The following MARCO variants were observed in gnomAD, a reference collection of about 807,000 sequenced individuals.
The protein encoded by MARCO is macrophage receptor MARCO.
Under a neutral mutation model 70.0 loss-of-function variants are expected in MARCO, and 72 were observed. That is an observed-to-expected ratio of 1.03 (90% CI 0.85 to 1.25). The LOEUF (loss-of-function observed/expected upper bound fraction) is 1.25. MARCO is among the 50% of genes most tolerant of loss of function. MARCO has a pLI of 0.00. For synonymous variants in MARCO, 273 were observed against 243.1 expected, an observed-to-expected ratio of 1.12 and a Z score of -1.14; for missense variants, 696 against 659.3, an observed-to-expected ratio of 1.06 and a Z score of -0.61.
chr2:118,969,016 T>G, intron 1 of MARCO, 144 bp from the exon 2 acceptor site: 1 of 645,908 alleles, frequency 1.5e-6, no homozygotes. Flanking sequence ...TGGGGGATGA[T>G]TTGGGAGTCA....
At chr2:118,986,648 A>AAGGAAG (rs1680499404) in intron 12 of MARCO, among the ~76,000 whole-genome samples, 1 of 39,308 alleles carries the variant, frequency 2.5e-5, no homozygotes, top group Admixed American at 2.7e-4. Context: ...AAAGAAAGAA[A>AAGGAAG]GAAAGAAGGA....
chr2:118,970,168 C>T lies in MARCO; in HGVS notation c.254C>T (p.Thr85Ile). Residue 85 changes from threonine to isoleucine, a missense_variant, in exon 3 of 17, where the codon ACT becomes ATT. Physicochemically the swap from Thr to Ile is moderately conservative, Grantham distance 89. Coordinates refer to ENST00000327097, the MANE Select transcript of MARCO (RefSeq NM_006770.4). ...CTGGAGATGTATTTCCTCAATGACA[C>T]TCTGGCGGCTGAGGACAGCCCGTCC... ...RVLEMYFLND[T>I]LAAEDSPSFS... 3 of 1,614,166 alleles carry T rather than the reference C, an allele frequency of 1.9e-6. No individual in the cohort carries two copies. The highest frequency in any genetic ancestry group is 2.5e-6 in the Non-Finnish European group (3 of 1,180,036).
chr2:118,968,593 T>C (rs918910578), intron 1 of MARCO, among the ~76,000 whole-genome samples: 23 of 152,216 alleles, frequency 1.5e-4, no homozygotes, highest in African/African-American at 4.8e-4. Context: ...TGAGGGATGA[T>C]TATTAACCCT....
At chr2:118,952,363 G>T (rs2104551984) in intron 1 of MARCO, among the ~76,000 whole-genome samples, 1 of 152,216 alleles carries the variant, frequency 6.6e-6, no homozygotes, top group Admixed American at 6.5e-5. Flanking sequence ...CCCCAAGGGA[G>T]AATTAGGCCC....
chr2:118,986,333 C>T (rs1680482061), intron 12 of MARCO, among the ~76,000 whole-genome samples: 1 of 147,590 alleles, frequency 6.8e-6, no homozygotes, highest in South Asian at 2.2e-4. Flanking sequence ...GGCAAGACAG[C>T]AATGTCCCCC....
chr2:118,981,614 A>G lies in MARCO; in HGVS notation c.866-7A>G, dbSNP rs868609836. 1.2e-6 allele frequency: 2 copies of G among 1,608,320 alleles called. No individual in the cohort carries two copies. The highest frequency in any genetic ancestry group is 3.4e-5 in the Admixed American group (2 of 59,102). ...AAAAAATTCCTAAAAGTTCTTTTTC[A>G]TCTTAGGTTTGGCTGGTTTTCCTGG... On this transcript the variant is annotated splice_polypyrimidine_tract_variant and splice_region_variant and intron_variant, in intron 9 of 16. Coordinates refer to ENST00000327097, the MANE Select transcript of MARCO (RefSeq NM_006770.4).
chr2:118,990,569 C>CGGGGGGG lies in MARCO; in HGVS notation c.1064-20_1064-19insGGGGGGG. ...AGTTTTATTATCTCCTCCCCCCCCC[C>CGGGGGGG]TTTTTTGTTTTGATCTTAGGACTTC... On this transcript the variant is annotated intron_variant, in intron 12 of 16. Coordinates refer to ENST00000327097, the MANE Select transcript of MARCO (RefSeq NM_006770.4). The CGGGGGGG allele has an allele frequency of 2.1e-6, 3 of 1,415,908 alleles. No individual in the cohort carries two copies. Among genetic ancestry groups the CGGGGGGG allele is most frequent in the South Asian group, 1.2e-5 (1 of 84,020 alleles). 87.7% of individuals were successfully genotyped at this position (1,415,908 alleles called of 1,614,324 possible).
chr2:118,950,089 A>G (rs1432018722), intron 1 of MARCO, among the ~76,000 whole-genome samples: 1 of 152,242 alleles, frequency 6.6e-6, no homozygotes, highest in African/African-American at 2.4e-5. Flanking sequence ...TTTTTAGACC[A>G]AAGAAAGCCA....
At chr2:118,969,006 T>G (rs1388748481) in intron 1 of MARCO, among the ~76,000 whole-genome samples, 154 bp from the exon 2 acceptor site, 1 of 152,154 alleles carries the variant, frequency 6.6e-6, no homozygotes, top group African/African-American at 2.4e-5. Context: ...GAAAGAGGAT[T>G]GGGGGATGAT....
chr2:118,969,302 G>T (rs746607574), intron 2 of MARCO, 41 bp downstream of exon 2: 1 of 1,541,622 alleles, frequency 6.5e-7, no homozygotes, highest in Non-Finnish European at 9.0e-7. Flanking sequence ...CCTGGGGGGA[G>T]AGGGGTGACC....
At chr2:118,992,357 C>T in intron 14 of MARCO, 75 bp from the exon 15 acceptor site, 1 of 1,238,136 alleles carries the variant, frequency 8.1e-7, no homozygotes, top group South Asian at 1.2e-5. Context: ...CACCCGCTCC[C>T]CACTCATGCA....
At position 118,974,448 on chromosome 2, in the gene MARCO, T is replaced by A. The variant is rs749015573; in HGVS notation, c.568+8T>A. The stretch of plus-strand genomic sequence containing the variant: ...GACGAGATGGAGCAACAGGTACGGG[T>A]CTTTTTCTTCTGACCCTTAATCATT... On this transcript the variant is annotated splice_region_variant and intron_variant, in intron 5 of 16. Coordinates refer to ENST00000327097, the MANE Select transcript of MARCO (RefSeq NM_006770.4). The A allele has an allele frequency of 1.5e-5, 24 of 1,611,756 alleles. No homozygotes were observed. The East Asian group carries it at 5.4e-4, about 36-fold the overall frequency.
chr2:118,992,003 T>C, intron 14 of MARCO, 128 bp downstream of exon 14: 1 of 723,286 alleles, frequency 1.4e-6, no homozygotes, highest in Non-Finnish European at 2.3e-6. Flanking sequence ...GGTAGAGGTT[T>C]ATTTCCTTGA....
In MARCO at chr2:118,977,886, A is replaced by G. The variant is rs373068109; in HGVS notation, c.717A>G (p.Pro239=). The G allele has an allele frequency of 1.1e-4, 174 of 1,612,264 alleles. No homozygotes were observed. The highest frequency in any genetic ancestry group is 3.2e-4 in the South Asian group (29 of 90,572). Residue 239 remains proline, a synonymous_variant, in exon 8 of 17, where the codon CCA becomes CCG. Transcript: ENST00000327097. ...AAGGCGATGGGGGTCTCATTGGCCCAAAAGGGGAAACTGGAACTAAGGGAG... is the reference window on the plus strand; with the variant it reads ...AAGGCGATGGGGGTCTCATTGGCCCGAAAGGGGAAACTGGAACTAAGGGAG... The part of the protein sequence containing the change: ...GSKGDGGLIG[P]KGETGTKGEK...
intron 8 of MARCO, 146 bp downstream of exon 8, chr2:118,978,081 C>T: frequency 1.8e-6 from 1 of 568,026 alleles, no homozygotes; most frequent in Admixed American, 3.0e-5. Context: ...CACACATAGT[C>T]TCTTCTTTCC....
intron 12 of MARCO, among the ~76,000 whole-genome samples, 162 bp downstream of exon 12, chr2:118,982,572 C>T (rs1680415422): frequency 6.6e-6 from 1 of 152,160 alleles, no homozygotes; most frequent in African/African-American, 2.4e-5. Context: ...GCCAGGACCC[C>T]TTAAGCCCAA....
rs753893017 is a variant in MARCO, at chr2:118,942,403, G to T, written c.97+6G>T. ...GGAGCCTTTCGAAATCAATGGTAAA[G>T]TACGATTCCCCAATAATGGAAATGA... On this transcript the variant is annotated splice_donor_region_variant and intron_variant, in intron 1 of 16. Transcript: ENST00000327097. 1 of 1,599,850 alleles carries T rather than the reference G, an allele frequency of 6.3e-7. No homozygotes were observed. Among genetic ancestry groups the T allele is most frequent in the Admixed American group, 1.7e-5 (1 of 59,982 alleles).
chr2:118,977,427 A>C (rs1320862176), intron 6 of MARCO, 44 bp from the exon 7 acceptor site: 52 of 1,536,956 alleles, frequency 3.4e-5, no homozygotes, highest in Non-Finnish European at 4.7e-5. Flanking sequence ...CATTTTAGAC[A>C]TTCTCAGGCC....
At chr2:118,962,793 A>G (rs954407679) in intron 1 of MARCO, among the ~76,000 whole-genome samples, 4 of 152,070 alleles carry the variant, frequency 2.6e-5, no homozygotes, top group African/African-American at 7.2e-5. Flanking sequence ...TTTAATGATT[A>G]TAGATATTCA....
Sources: gnomAD v4.1 joint callset for allele counts (sites outside exome capture counted in the v4.1 genomes callset) on GRCh38, gnomAD v4.1.1 for gene constraint, MANE v1.5 for transcripts, NCBI Gene and HGNC (gene_info 2026-07-23, HGNC 2026-07-21) for gene names.